Variants in SLC25A24 observed in about 807,000 individuals in gnomAD.
SLC25A24 encodes the protein mitochondrial adenyl nucleotide antiporter SLC25A24.
Under a neutral mutation model 60.7 loss-of-function variants are expected in SLC25A24, and 49 were observed. The observed-to-expected ratio is 0.81, with a 90% CI of 0.64 to 1.02. The LOEUF is 1.02. Ranked by LOEUF, SLC25A24 falls within the 50% of genes least tolerant of loss-of-function variation. The pLI, the probability that SLC25A24 is intolerant of heterozygous loss-of-function variation, is 0.00. For missense variants in SLC25A24, 564 were observed against 586.3 expected (o/e 0.96, Z 0.39); for synonymous variants, 202 against 200.6 (o/e 1.01, Z -0.06).
intron 7 of SLC25A24, 94 bp downstream of exon 7, chr1:108,148,185 G>C: frequency 2.4e-6 from 2 of 831,706 alleles, no homozygotes; most frequent in Non-Finnish European, 4.2e-6. Context: ...ATAAATGCTT[G>C]TTTTAAACTG....
At chr1:108,162,256 A>G (rs12354189) in intron 3 of SLC25A24, among the ~76,000 whole-genome samples, 70,306 of 143,546 alleles carry the variant, frequency 0.49, 17,693 homozygotes, top group African/African-American at 0.61. Context: ...ATAAACATAC[A>G]TGTGCATGTG....
chr1:108,157,754 T>A, intron 4 of SLC25A24, 134 bp from the exon 5 acceptor site: 1 of 906,694 alleles, frequency 1.1e-6, no homozygotes, highest in Non-Finnish European at 1.7e-6. Flanking sequence ...CTAAACCAAT[T>A]TGAGTACATA....
rs1231685110 is a variant in SLC25A24, at chr1:108,167,739, A to T, written c.399-6446T>A. Reference sequence around the variant, plus strand: ...CCGGTACCTCAGATGGAAATGCAGCAATCATGCGTCTTCTGCGTCGCTCAC... The same window carrying T: ...CCGGTACCTCAGATGGAAATGCAGCTATCATGCGTCTTCTGCGTCGCTCAC... On this transcript the variant is annotated intron_variant, in intron 3 of 9. Coordinates refer to ENST00000565488, the MANE Select transcript of SLC25A24 (RefSeq NM_013386.5). Among the ~76,000 whole-genome samples, 5 of 152,318 alleles carry T rather than the reference A, an allele frequency of 3.3e-5. No individual in the cohort carries two copies. In the South Asian group the frequency reaches 1.0e-3, roughly 32 times the overall value.
At chr1:108,190,441 T>C (rs1189494400) in intron 1 of SLC25A24, among the ~76,000 whole-genome samples, 1 of 152,206 alleles carries the variant, frequency 6.6e-6, no homozygotes, top group Non-Finnish European at 1.5e-5. Context: ...CCTGACTTCC[T>C]ATAAGTCTGA....
intron 3 of SLC25A24, among the ~76,000 whole-genome samples, chr1:108,172,317 G>A (rs778644841): frequency 2.6e-5 from 4 of 152,162 alleles, no homozygotes; most frequent in Non-Finnish European, 5.9e-5. Context: ...CACTGTGTTA[G>A]TCTGTTTTGT....
intron 1 of SLC25A24, among the ~76,000 whole-genome samples, chr1:108,189,081 T>C (rs1648251446): frequency 6.6e-6 from 1 of 152,234 alleles, no homozygotes; most frequent in Non-Finnish European, 1.5e-5. Context: ...TCTTAGTCAT[T>C]TGTTCCTTTC....
At chr1:108,188,311 C>T (rs1648219620) in intron 1 of SLC25A24, among the ~76,000 whole-genome samples, 1 of 151,994 alleles carries the variant, frequency 6.6e-6, no homozygotes, top group Admixed American at 6.6e-5. Flanking sequence ...AATTGTACCC[C>T]AAACCTCAGC....
intron 4 of SLC25A24, among the ~76,000 whole-genome samples, chr1:108,160,101 C>A (rs1680018806): frequency 6.6e-6 from 1 of 151,170 alleles, no homozygotes; most frequent in Admixed American, 6.6e-5. Context: ...GGGGCTGACC[C>A]CTCCACCTCC....
At chr1:108,157,704 A>G in intron 4 of SLC25A24, 84 bp from the exon 5 acceptor site, 1 of 1,443,622 alleles carries the variant, frequency 6.9e-7, no homozygotes, top group Non-Finnish European at 9.5e-7. Flanking sequence ...GAATCATGTT[A>G]TTTTACAGTT....
intron 3 of SLC25A24, among the ~76,000 whole-genome samples, chr1:108,178,564 T>C (rs1298369632): frequency 2.0e-5 from 3 of 152,050 alleles, no homozygotes; most frequent in Admixed American, 6.6e-5. Flanking sequence ...CCTGTAATCC[T>C]AGCACTCTGG....
chr1:108,148,219 A>G, intron 7 of SLC25A24, 60 bp downstream of exon 7: 1 of 975,172 alleles, frequency 1.0e-6, no homozygotes, highest in South Asian at 1.3e-5. Context: ...AACTTGTTAG[A>G]GAGCAATAGA....
rs201077581 is a variant in SLC25A24, at chr1:108,177,319, C to CA, written c.398+4621dup. ...ACCACTAGAGAAAATCACTTAACCA[C>CA]AAAAAAAAGACAGCAAGAGAGGAAG... On this transcript the variant is annotated intron_variant, in intron 3 of 9. Transcript: ENST00000565488. Among the ~76,000 whole-genome samples, 71 of 149,990 alleles carry CA rather than the reference C, an allele frequency of 4.7e-4. No homozygotes were observed. In the South Asian group the frequency reaches 5.5e-3, roughly 12 times the overall value.
At chr1:108,189,552 C>T (rs1429512342) in intron 1 of SLC25A24, among the ~76,000 whole-genome samples, 2 of 151,894 alleles carry the variant, frequency 1.3e-5, no homozygotes, top group African/African-American at 2.4e-5. Flanking sequence ...TGGTGGCTCA[C>T]GCCTGTAATC....
intron 3 of SLC25A24, among the ~76,000 whole-genome samples, chr1:108,170,262 T>C (rs943402492): frequency 3.3e-5 from 5 of 152,198 alleles, no homozygotes; most frequent in African/African-American, 7.2e-5. Context: ...CTTTAAAATA[T>C]TGGCATTTTT....
chr1:108,167,528 T>C (rs1647236288), intron 3 of SLC25A24, among the ~76,000 whole-genome samples: 1 of 152,236 alleles, frequency 6.6e-6, no homozygotes, highest in Non-Finnish European at 1.5e-5. Flanking sequence ...AAAAGCGCAG[T>C]ATTCAGGTGG....
chr1:108,160,220 G>A (rs1428809134), intron 4 of SLC25A24, among the ~76,000 whole-genome samples: 19 of 150,704 alleles, frequency 1.3e-4, no homozygotes, highest in East Asian at 5.9e-4. Context: ...GAGCAGAGGC[G>A]CTCCTCACAT....
intron 8 of SLC25A24, among the ~76,000 whole-genome samples, chr1:108,140,211 A>G (rs541171541): frequency 1.1e-4 from 16 of 152,240 alleles, no homozygotes; most frequent in African/African-American, 3.4e-4. Flanking sequence ...GCATTTCTCA[A>G]TGGAAATCTT....
In SLC25A24 at chr1:108,139,228, G is replaced by C. The variant is rs778307752; in HGVS notation, c.1099-20C>G. 2 of 1,576,102 alleles carry C rather than the reference G, an allele frequency of 1.3e-6. No individual in the cohort carries two copies. The highest frequency in any genetic ancestry group is 2.7e-5 in the African/African-American group (2 of 72,980). ...CAAGAGCTGCCAGAGAAATAAAGAA[G>C]AAAATAATTAACGAACTCTACAACT... On this transcript the variant is annotated intron_variant, in intron 8 of 9. Coordinates refer to ENST00000565488, the MANE Select transcript of SLC25A24 (RefSeq NM_013386.5).
At chr1:108,195,098 C>A (rs1271008033) in intron 1 of SLC25A24, among the ~76,000 whole-genome samples, 1 of 152,144 alleles carries the variant, frequency 6.6e-6, no homozygotes, top group African/African-American at 2.4e-5. Flanking sequence ...TCCATTCAAT[C>A]CTTAAAAAGA....
Sources: gnomAD v4.1 joint callset for allele counts (sites outside exome capture counted in the v4.1 genomes callset) on GRCh38, gnomAD v4.1.1 for gene constraint, MANE v1.5 for transcripts, NCBI Gene and HGNC (gene_info 2026-07-23, HGNC 2026-07-21) for gene names.